KAZN: variants seen among roughly 807,000 people sequenced by gnomAD.
KAZN encodes kazrin, periplakin interacting protein.
A neutral mutation model predicts 87.4 loss-of-function variants in KAZN; 40 were observed. The ratio of observed to expected loss-of-function variants is 0.46; its 90% CI spans 0.36 to 0.60. The LOEUF is 0.60. KAZN is among the 20% of genes least tolerant of loss of function. KAZN has a pLI of 0.00. For synonymous variants in KAZN, 466 were observed against 458.3 expected (o/e 1.02, Z -0.22); for missense variants, 898 against 1,073.9 (o/e 0.84, Z 2.29).
rs1239201809 is a variant in KAZN, at chr1:14,924,274, G to A, written c.227-36410G>A. 5 of 982,590 alleles carry A rather than the reference G, an allele frequency of 5.1e-6. No individual in the cohort carries two copies. The African/African-American group carries it at 7.1e-5, about 14-fold the overall frequency. The allele number at this position is 982,590 out of a possible 1,614,324, so 60.9% of individuals were successfully genotyped here. On this transcript the variant is annotated intron_variant, in intron 1 of 14. Transcript: ENST00000376030. Reference sequence around the variant, plus strand: ...GCGGGGGCGGGCTCGGCTGCGCCCCGATGCGGCGGCGACCTCCGGGTCTGT... The same window carrying A: ...GCGGGGGCGGGCTCGGCTGCGCCCCAATGCGGCGGCGACCTCCGGGTCTGT...
At chr1:14,061,805 T>C (rs16853528) in intron 1 of KAZN, among the ~76,000 whole-genome samples, 8,074 of 152,200 alleles carry the variant, frequency 0.053, 587 homozygotes, top group African/African-American at 0.16. Context: ...CTTTTAGATA[T>C]ATCACATCTG....
At chr1:14,029,628 A>G (rs1641232396) in intron 1 of KAZN, among the ~76,000 whole-genome samples, 1 of 151,408 alleles carries the variant, frequency 6.6e-6, no homozygotes, top group Admixed American at 6.6e-5. Flanking sequence ...TAAGTCTTTA[A>G]TCCATCTCGA....
intron 1 of KAZN, among the ~76,000 whole-genome samples, chr1:14,785,267 G>A (rs1465305289): frequency 6.6e-6 from 1 of 152,176 alleles, no homozygotes; most frequent in Non-Finnish European, 1.5e-5. Flanking sequence ...CCCCATGGAA[G>A]AACTTTCCCA....
At chr1:14,905,845 A>AAATAATAAT (rs59662108) in intron 1 of KAZN, among the ~76,000 whole-genome samples, 9,681 of 143,152 alleles carry the variant, frequency 0.068, 425 homozygotes, top group Non-Finnish European at 0.094. Context: ...TCCGTCTCAA[A>AAATAATAAT]AATAATAATA....
chr1:14,712,420 G>A (rs1642536981), intron 1 of KAZN, among the ~76,000 whole-genome samples: 1 of 152,210 alleles, frequency 6.6e-6, no homozygotes, highest in South Asian at 2.1e-4. Flanking sequence ...GAGATGCTGT[G>A]TGGGTTCAGG....
intron 2 of KAZN, among the ~76,000 whole-genome samples, chr1:14,279,388 G>A (rs558685045): frequency 3.9e-5 from 6 of 152,294 alleles, no homozygotes; most frequent in African/African-American, 1.4e-4. Context: ...GCACATCCTA[G>A]GTAATTGCTC....
chr1:14,618,162 A>G (rs754914551), intron 1 of KAZN, among the ~76,000 whole-genome samples: 1 of 152,106 alleles, frequency 6.6e-6, no homozygotes, highest in African/African-American at 2.4e-5. Flanking sequence ...TTCACTCTTC[A>G]TCTAGTTTGT....
At chr1:13,986,505 A>G (rs1639024071) in intron 1 of KAZN, among the ~76,000 whole-genome samples, 1 of 152,212 alleles carries the variant, frequency 6.6e-6, no homozygotes, top group Non-Finnish European at 1.5e-5. Flanking sequence ...TTAGAGTTAG[A>G]GACCTTTCTT....
intron 2 of KAZN, among the ~76,000 whole-genome samples, chr1:14,183,328 G>A (rs144995606): frequency 5.4e-4 from 82 of 152,248 alleles, no homozygotes; most frequent in African/African-American, 1.9e-3. Flanking sequence ...AAATGGAATC[G>A]CGAAGGGAGC....
At chr1:14,963,822 C>T (rs558739552) in intron 2 of KAZN, among the ~76,000 whole-genome samples, 44 of 151,674 alleles carry the variant, frequency 2.9e-4, no homozygotes, top group Admixed American at 2.6e-3. Flanking sequence ...GATGTTCCCC[C>T]TCCCTGCGTC....
chr1:14,490,036 A>G (rs1669565239), intron 2 of KAZN, among the ~76,000 whole-genome samples: 1 of 152,198 alleles, frequency 6.6e-6, no homozygotes, highest in South Asian at 2.1e-4. Flanking sequence ...TGCCACTTCA[A>G]GCCACCAACA....
intron 2 of KAZN, among the ~76,000 whole-genome samples, chr1:14,556,781 A>C (rs946901941): frequency 3.3e-5 from 5 of 152,160 alleles, no homozygotes; most frequent in African/African-American, 7.2e-5. Context: ...AGGGAGTGAG[A>C]TTAGATGAGC....
At chr1:14,549,268 A>G (rs12025005) in intron 2 of KAZN, among the ~76,000 whole-genome samples, 80,155 of 152,010 alleles carry the variant, frequency 0.53, 21,586 homozygotes, top group South Asian at 0.67. Context: ...TTTCTCCTTC[A>G]CAGAATCCAG....
intron 1 of KAZN, among the ~76,000 whole-genome samples, chr1:14,638,105 G>C (rs1467059336): frequency 6.6e-6 from 1 of 152,058 alleles, no homozygotes; most frequent in Non-Finnish European, 1.5e-5. Context: ...CTTCTCACAG[G>C]GACACCAGTC....
chr1:14,298,753 A>G (rs1314043393), intron 2 of KAZN, among the ~76,000 whole-genome samples: 1 of 152,152 alleles, frequency 6.6e-6, no homozygotes, highest in Non-Finnish European at 1.5e-5. Flanking sequence ...CCTTTATTAA[A>G]CTTGAATGGC....
intron 2 of KAZN, among the ~76,000 whole-genome samples, chr1:14,533,282 TG>T (rs1251680064): frequency 6.6e-6 from 1 of 151,968 alleles, no homozygotes; most frequent in Admixed American, 6.6e-5. Flanking sequence ...CATAGAGTAG[TG>T]GGGGGAAAAT....
chr1:13,908,908 G>T (rs1024713460), intron 1 of KAZN, among the ~76,000 whole-genome samples: 2 of 152,140 alleles, frequency 1.3e-5, no homozygotes, highest in African/African-American at 4.8e-5. Context: ...ATAAACACAT[G>T]TTTTATGAGA....
chr1:14,387,292 T>A (rs1032654780), intron 2 of KAZN, among the ~76,000 whole-genome samples: 1 of 152,222 alleles, frequency 6.6e-6, no homozygotes, highest in Non-Finnish European at 1.5e-5. Flanking sequence ...TTTGATCATC[T>A]GAAGCCTTCT....
intron 2 of KAZN, among the ~76,000 whole-genome samples, chr1:14,273,805 CT>C (rs764624006): frequency 6.6e-6 from 1 of 151,036 alleles, no homozygotes; most frequent in Non-Finnish European, 1.5e-5. Flanking sequence ...AAAACAAGAT[CT>C]TTCTCAAAGT....
Sources: allele counts gnomAD v4.1 joint callset (sites outside exome capture counted in the v4.1 genomes callset), GRCh38; gene constraint gnomAD v4.1.1; transcripts MANE v1.5; gene names NCBI Gene and HGNC (gene_info 2026-07-23, HGNC 2026-07-21).